The following MACO1 variants were observed in gnomAD, a reference collection of about 807,000 sequenced individuals.
MACO1 encodes macoilin.
MACO1 carries 14 observed loss-of-function variants against 78.7 expected under a neutral mutation model. The ratio of observed to expected loss-of-function variants is 0.18; its 90% CI spans 0.12 to 0.28. The LOEUF is 0.28. MACO1 is among the 10% of genes least tolerant of loss of function. The probability of loss-of-function intolerance (pLI) is 1.00; values close to 1 mark genes in which losing one functional copy is unlikely to be tolerated. For synonymous variants in MACO1, 288 were observed against 291.6 expected, an observed-to-expected ratio of 0.99 and a Z score of 0.12; for missense variants, 501 against 799.0, an observed-to-expected ratio of 0.63 and a Z score of 4.50.
intron 6 of MACO1, among the ~76,000 whole-genome samples, chr1:25,468,750 C>T (rs972595563): frequency 1.3e-5 from 2 of 152,206 alleles, no homozygotes; most frequent in African/African-American, 4.8e-5. Context: ...AATCTCTAAG[C>T]AACTGGTAGA....
chr1:25,482,048 A>T (rs2124606034), intron 6 of MACO1, among the ~76,000 whole-genome samples: 1 of 152,286 alleles, frequency 6.6e-6, no homozygotes, highest in Admixed American at 6.5e-5. Flanking sequence ...CTGGGGATTT[A>T]GTGCTTAATA....
Position 25,448,922 on chromosome 1 carries a change from G to A in MACO1, c.337G>A (p.Val113Ile), listed in dbSNP as rs2043039847. The A allele has an allele frequency of 4.1e-6, 6 of 1,478,124 alleles. No individual in the cohort carries two copies. The highest frequency in any genetic ancestry group is 4.6e-6 in the Non-Finnish European group (5 of 1,093,936). 91.6% of individuals were successfully genotyped at this position (1,478,124 alleles called of 1,614,324 possible). ...TAGCACATATGTATGGGTTCAGTAC[G>A]TATGGCACACAGGTAAGTCTTAATG... ...AASTYVWVQY[V>I]WHTERGVCLP... The change falls in exon 3 of 11, where the codon GTA becomes ATA. Residue 113 changes from valine to isoleucine, a missense_variant. Transcript: ENST00000374343.
chr1:25,465,212 T>C (rs1461597328), intron 6 of MACO1, among the ~76,000 whole-genome samples: 1 of 152,212 alleles, frequency 6.6e-6, no homozygotes, highest in Non-Finnish European at 1.5e-5. Context: ...TCACCTGCTG[T>C]AGGACATCTT....
intron 1 of MACO1, among the ~76,000 whole-genome samples, chr1:25,445,066 G>A (rs942889708): frequency 4.6e-5 from 7 of 151,042 alleles, no homozygotes; most frequent in Middle Eastern, 3.4e-3. Context: ...CTTTGGGAGG[G>A]TGAGACAGGA....
intron 6 of MACO1, among the ~76,000 whole-genome samples, chr1:25,462,931 T>TG (rs2043184545): frequency 6.6e-6 from 1 of 152,210 alleles, no homozygotes; most frequent in Non-Finnish European, 1.5e-5. Flanking sequence ...TAAATTTTAC[T>TG]GGAACACAGC....
intron 6 of MACO1, among the ~76,000 whole-genome samples, chr1:25,463,605 T>C (rs1251950517): frequency 6.6e-6 from 1 of 152,232 alleles, no homozygotes; most frequent in Non-Finnish European, 1.5e-5. Context: ...ATCAGTTGTT[T>C]TAACTAAGTA....
intron 9 of MACO1, among the ~76,000 whole-genome samples, chr1:25,490,283 TCATA>T (rs2043473234): frequency 6.6e-6 from 1 of 152,176 alleles, no homozygotes; most frequent in South Asian, 2.1e-4. Context: ...TAAGGAAAGC[TCATA>T]TATATAGCAA....
intron 4 of MACO1, 83 bp downstream of exon 4, chr1:25,454,465 TG>T: frequency 5.0e-6 from 1 of 198,786 alleles, no homozygotes; most frequent in Non-Finnish European, 7.3e-6. Flanking sequence ...TGTGTGTGTG[TG>T]TGTGTATATA....
At chr1:25,472,812 A>G (rs2043285809) in intron 6 of MACO1, among the ~76,000 whole-genome samples, 1 of 152,226 alleles carries the variant, frequency 6.6e-6, no homozygotes, top group South Asian at 2.1e-4. Flanking sequence ...GATGGCGACC[A>G]CAGCCGGCCT....
intron 1 of MACO1, among the ~76,000 whole-genome samples, chr1:25,436,103 C>G (rs2042917214): frequency 6.6e-6 from 1 of 152,156 alleles, no homozygotes; most frequent in African/African-American, 2.4e-5. Flanking sequence ...CTCATGGCCT[C>G]TCTTGAACCT....
chr1:25,436,649 G>T (rs2042921627), intron 1 of MACO1, among the ~76,000 whole-genome samples: 1 of 152,140 alleles, frequency 6.6e-6, no homozygotes, highest in African/African-American at 2.4e-5. Flanking sequence ...CTTAAGTAGT[G>T]ACTTTTCAAA....
At chr1:25,465,525 T>C (rs2043210929) in intron 6 of MACO1, among the ~76,000 whole-genome samples, 1 of 152,228 alleles carries the variant, frequency 6.6e-6, no homozygotes. Context: ...TTAATTTGCA[T>C]TTCCCTGGTG....
intron 3 of MACO1, 136 bp downstream of exon 3, chr1:25,449,070 A>C: frequency 1.5e-6 from 1 of 653,202 alleles, no homozygotes; most frequent in Non-Finnish European, 2.2e-6. Flanking sequence ...ATAGGTTATA[A>C]TATACCTTCA....
chr1:25,491,663 C>G, intron 10 of MACO1, 79 bp downstream of exon 10: 2 of 1,280,156 alleles, frequency 1.6e-6, no homozygotes, highest in Non-Finnish European at 2.2e-6. Context: ...CTCCTGAGAG[C>G]TCTCAACCAA....
intron 1 of MACO1, among the ~76,000 whole-genome samples, chr1:25,436,691 T>A (rs2042921821): frequency 6.6e-6 from 1 of 152,234 alleles, no homozygotes; most frequent in Non-Finnish European, 1.5e-5. Flanking sequence ...CAATGGAAGC[T>A]TGAAAAAAGT....
intron 8 of MACO1, among the ~76,000 whole-genome samples, chr1:25,487,641 T>C (rs961901532): frequency 1.3e-5 from 2 of 152,218 alleles, no homozygotes; most frequent in African/African-American, 4.8e-5. Context: ...AGCTCAACAG[T>C]GTGCCCTTAT....
chr1:25,498,779 A>G lies in MACO1; in HGVS notation c.*313A>G. 1 of 260,928 alleles carries G rather than the reference A, an allele frequency of 3.8e-6. No homozygotes were observed. The highest frequency in any genetic ancestry group is 1.5e-4 in the South Asian group (1 of 6,666). 16.2% of individuals were successfully genotyped at this position (260,928 alleles called of 1,614,324 possible). A position where few individuals can be genotyped will look rare whatever the true frequency, so the allele number is the denominator to read the frequency against. On this transcript the variant is annotated 3_prime_UTR_variant, in exon 11 of 11. Transcript: ENST00000374343. ...TTCTTACATAGTTTCCTCTTGAAGA[A>G]AAAAAAAGCAGAGTTTTTGTTTTTC...
rs182234808 is a variant in MACO1 at position 25,483,109 on chromosome 1, G to C, written c.1155-1007G>C. ...CTTGTCACCCAGGCTGGAGTGCAGT[G>C]GCATGATCTCAGCTCACTGCAACCT... On this transcript the variant is annotated intron_variant, in intron 6 of 10. Transcript: ENST00000374343. Among the ~76,000 whole-genome samples, 11 of 152,314 alleles carry C rather than the reference G, an allele frequency of 7.2e-5. No individual in the cohort carries two copies. In the East Asian group the frequency reaches 2.1e-3, roughly 29 times the overall value.
chr1:25,451,905 C>G (rs143427751), intron 3 of MACO1, among the ~76,000 whole-genome samples: 2,010 of 149,188 alleles, frequency 0.013, 51 homozygotes, highest in African/African-American at 0.047. Flanking sequence ...GCACTCCAGC[C>G]TGGGCGACAG....
Sources: gnomAD v4.1 joint callset for allele counts (sites outside exome capture counted in the v4.1 genomes callset) on GRCh38, gnomAD v4.1.1 for gene constraint, MANE v1.5 for transcripts, NCBI Gene and HGNC (gene_info 2026-07-23, HGNC 2026-07-21) for gene names.